Variants in ZDHHC14 observed in about 807,000 individuals in gnomAD.
The protein encoded by ZDHHC14 is zDHHC palmitoyltransferase 14, also known as palmitoyltransferase ZDHHC14.
ZDHHC14 carries 16 observed loss-of-function variants against 47.7 expected under a neutral mutation model. The ratio of observed to expected loss-of-function variants is 0.34; its 90% CI spans 0.23 to 0.51. The LOEUF is 0.51. Among genes scored for constraint, ZDHHC14 ranks in the 20% least tolerant of loss-of-function variants. The probability of loss-of-function intolerance (pLI) is 0.97; values close to 1 mark genes in which losing one functional copy is unlikely to be tolerated. For missense variants in ZDHHC14, 515 were observed against 662.5 expected (o/e 0.78, Z 2.44); for synonymous variants, 293 against 278.9 (o/e 1.05, Z -0.50).
intron 2 of ZDHHC14, among the ~76,000 whole-genome samples, chr6:157,583,198 T>C (rs1783576083): frequency 6.6e-6 from 1 of 152,138 alleles, no homozygotes; most frequent in Non-Finnish European, 1.5e-5. Flanking sequence ...TTGCTATCCA[T>C]ACTCTGAATT....
intron 3 of ZDHHC14, among the ~76,000 whole-genome samples, chr6:157,624,751 G>T (rs891675676): frequency 3.9e-5 from 6 of 152,214 alleles, no homozygotes; most frequent in Non-Finnish European, 5.9e-5. Context: ...AGTGTATTCA[G>T]TTACTTGACA....
intron 3 of ZDHHC14, among the ~76,000 whole-genome samples, chr6:157,622,873 C>CT (rs5881221): frequency 0.36 from 54,923 of 151,944 alleles, 10,893 homozygotes; most frequent in East Asian, 0.86. Flanking sequence ...TCTGCCTTTA[C>CT]TTAATCCATA....
chr6:157,615,870 A>G (rs558958877), intron 3 of ZDHHC14, among the ~76,000 whole-genome samples: 1 of 152,380 alleles, frequency 6.6e-6, no homozygotes, highest in East Asian at 1.9e-4. Flanking sequence ...GAGGAAACTC[A>G]GTATATAAAA....
chr6:157,428,577 G>A (rs912965082), intron 1 of ZDHHC14, among the ~76,000 whole-genome samples: 4 of 152,104 alleles, frequency 2.6e-5, no homozygotes, highest in South Asian at 2.1e-4. Context: ...TACGCCTTGT[G>A]GAAGGGCACC....
intron 8 of ZDHHC14, among the ~76,000 whole-genome samples, chr6:157,657,344 G>A (rs932370864): frequency 6.6e-6 from 1 of 152,098 alleles, no homozygotes; most frequent in Non-Finnish European, 1.5e-5. Flanking sequence ...CACTGCACAC[G>A]GCCATTCATT....
chr6:157,453,788 T>TTTTTTTGTGTGTGTGTGTGTGTGTG (rs3220439), intron 1 of ZDHHC14, among the ~76,000 whole-genome samples: 1 of 148,098 alleles, frequency 6.8e-6, no homozygotes, highest in African/African-American at 2.5e-5. Context: ...TTTTTGTGTT[T>TTTTTTTGTGTGTGTGTGTGTGTGTG]TGTGTGTGTG....
intron 1 of ZDHHC14, among the ~76,000 whole-genome samples, chr6:157,436,656 C>G (rs145543930): frequency 0.018 from 2,744 of 152,106 alleles, 90 homozygotes; most frequent in African/African-American, 0.061. Flanking sequence ...TCAGAGAGGT[C>G]TGCGGGACTT....
chr6:157,460,519 C>T (rs1779053854), intron 1 of ZDHHC14, among the ~76,000 whole-genome samples: 1 of 150,212 alleles, frequency 6.7e-6, no homozygotes, highest in African/African-American at 2.4e-5. Flanking sequence ...TTCTTGAATT[C>T]CTATGACAAG....
At position 157,427,859 on chromosome 6, in the gene ZDHHC14, T is replaced by C. The variant is rs960393374; in HGVS notation, c.245+45593T>C. 6.6e-6 allele frequency among the ~76,000 whole-genome samples: 1 copy of C among 152,186 alleles called. No homozygotes were observed. Among genetic ancestry groups the C allele is most frequent in the Admixed American group, 6.5e-5 (1 of 15,282 alleles). On this transcript the variant is annotated intron_variant, in intron 1 of 8. Coordinates refer to ENST00000359775, the MANE Select transcript of ZDHHC14 (RefSeq NM_024630.3). This position sits in a 1 kb window ranked among gnomAD's most constrained non-coding sequence, Gnocchi z 4.4. Reference sequence around the variant, plus strand: ...CAAGGACAATGGAATGGTGGGGCTCTAGTCTTCATCTTTTCTCAGTAACAG... The same window carrying C: ...CAAGGACAATGGAATGGTGGGGCTCCAGTCTTCATCTTTTCTCAGTAACAG...
intron 1 of ZDHHC14, among the ~76,000 whole-genome samples, chr6:157,424,761 A>G (rs1583633294): frequency 6.6e-6 from 1 of 151,658 alleles, no homozygotes; most frequent in African/African-American, 2.4e-5. Context: ...TCTCTTTCTC[A>G]CCTCCCCTAT....
At chr6:157,538,529 A>G (rs1390498778) in intron 1 of ZDHHC14, among the ~76,000 whole-genome samples, 2 of 152,228 alleles carry the variant, frequency 1.3e-5, no homozygotes, top group Admixed American at 1.3e-4. Context: ...TATCAAACTT[A>G]GTTGCATTTT....
At chr6:157,465,552 T>C (rs535949246) in intron 1 of ZDHHC14, among the ~76,000 whole-genome samples, 1 of 152,216 alleles carries the variant, frequency 6.6e-6, no homozygotes, top group East Asian at 1.9e-4. Flanking sequence ...GGAGTCTGGA[T>C]TGAACCATGG....
chr6:157,670,096 C>T (rs1778728766), intron 8 of ZDHHC14, among the ~76,000 whole-genome samples: 1 of 152,192 alleles, frequency 6.6e-6, no homozygotes, highest in Non-Finnish European at 1.5e-5. Flanking sequence ...CTACACAGGC[C>T]ACAGCTGTCT....
intron 1 of ZDHHC14, among the ~76,000 whole-genome samples, chr6:157,492,145 C>A (rs1220872859): frequency 1.3e-5 from 2 of 152,066 alleles, no homozygotes; most frequent in South Asian, 2.1e-4. Context: ...GGAAACCCGG[C>A]CTTTTCCCTT....
chr6:157,573,384 C>T (rs1435208878), intron 2 of ZDHHC14, among the ~76,000 whole-genome samples: 1 of 152,184 alleles, frequency 6.6e-6, no homozygotes, highest in Non-Finnish European at 1.5e-5. Context: ...ATGTCCTGCT[C>T]ACCTCACGAG....
chr6:157,406,676 T>C (rs1284691139), intron 1 of ZDHHC14, among the ~76,000 whole-genome samples: 1 of 152,266 alleles, frequency 6.6e-6, no homozygotes, highest in Non-Finnish European at 1.5e-5. Flanking sequence ...AAATAAGACA[T>C]TTCCCTCTGC....
intron 8 of ZDHHC14, among the ~76,000 whole-genome samples, chr6:157,658,514 C>T (rs1487104233): frequency 6.6e-6 from 1 of 152,168 alleles, no homozygotes; most frequent in Non-Finnish European, 1.5e-5. Flanking sequence ...CCAACAGCCC[C>T]CAAACTGACT....
At chr6:157,419,116 C>A (rs1033653805) in intron 1 of ZDHHC14, among the ~76,000 whole-genome samples, 5 of 152,146 alleles carry the variant, frequency 3.3e-5, no homozygotes, top group African/African-American at 1.2e-4. Context: ...TGTGGGATCC[C>A]CATGTCGGCG....
rs142150783 is a variant in ZDHHC14 at position 157,425,864 on chromosome 6, C to T, written c.245+43598C>T. Among the ~76,000 whole-genome samples, 652 of 152,302 alleles carry T rather than the reference C, an allele frequency of 4.3e-3. 6 individuals carry two copies. Among genetic ancestry groups the T allele is most frequent in the African/African-American group, 0.015 (622 of 41,560 alleles). On this transcript the variant is annotated intron_variant, in intron 1 of 8. Transcript: ENST00000359775. Reference sequence around the variant, plus strand: ...CTGTGCCCCTGCCAACCTTAGAACCCTTGGACACCTGTTTCCTCTGTAATG... The same window carrying T: ...CTGTGCCCCTGCCAACCTTAGAACCTTTGGACACCTGTTTCCTCTGTAATG...
Sources: gnomAD v4.1 joint callset for allele counts (sites outside exome capture counted in the v4.1 genomes callset) on GRCh38, gnomAD v4.1.1 for gene constraint, Gnocchi (gnomAD v3.1) non-coding constraint, MANE v1.5 for transcripts, NCBI Gene and HGNC (gene_info 2026-07-23, HGNC 2026-07-21) for gene names.